Variants in COL5A2 observed in about 807,000 individuals in gnomAD.
COL5A2 encodes the protein collagen type V alpha 2 chain.
Under a neutral mutation model 208.2 loss-of-function variants are expected in COL5A2, and 23 were observed. That is an observed-to-expected ratio of 0.11 (90% CI 0.08 to 0.16). The LOEUF (loss-of-function observed/expected upper bound fraction) is 0.16. Among genes scored for constraint, COL5A2 ranks in the 10% least tolerant of loss-of-function variants. The pLI is 1.00. For missense variants in COL5A2, 1,590 were observed against 1,956.4 expected (o/e 0.81, Z 3.53); for synonymous variants, 625 against 628.5 (o/e 0.99, Z 0.08).
chr2:189,423,608 A>C, the COL5A2 span, among the ~76,000 whole-genome samples: 3 of 152,168 alleles, frequency 2.0e-5, no homozygotes, highest in African/African-American at 7.2e-5. Context: ...TATGCCAACA[A>C]ATTGTGTAAC....
the COL5A2 span, among the ~76,000 whole-genome samples, chr2:189,270,210 A>G: frequency 6.6e-6 from 1 of 151,968 alleles, no homozygotes; most frequent in South Asian, 2.1e-4. Flanking sequence ...ATTTTTTTGA[A>G]GCGTTTTTCG....
intron 1 of COL5A2, among the ~76,000 whole-genome samples, chr2:189,144,695 A>G (rs1688005027): frequency 6.6e-6 from 1 of 152,106 alleles, no homozygotes; most frequent in Admixed American, 6.6e-5. Flanking sequence ...ATAAGTGCTT[A>G]TAATTCCAAC....
At chr2:189,175,103 A>G (rs183355231) in intron 1 of COL5A2, among the ~76,000 whole-genome samples, 3 of 152,284 alleles carry the variant, frequency 2.0e-5, no homozygotes, top group Admixed American at 2.0e-4. Context: ...TAGGGACCAT[A>G]AAACTCCTAA....
chr2:189,319,363 G>A, the COL5A2 span, among the ~76,000 whole-genome samples: 2 of 152,236 alleles, frequency 1.3e-5, no homozygotes, highest in African/African-American at 4.8e-5. Context: ...GAAGCAGGGC[G>A]AGGCATCGCC....
chr2:189,178,003 T>C (rs1438499073), intron 1 of COL5A2, among the ~76,000 whole-genome samples: 1 of 152,176 alleles, frequency 6.6e-6, no homozygotes, highest in African/African-American at 2.4e-5. Context: ...CTGTTCTTTC[T>C]AGAGTCAAAT....
chr2:189,365,905 C>A, the COL5A2 span, among the ~76,000 whole-genome samples: 1 of 152,166 alleles, frequency 6.6e-6, no homozygotes, highest in Non-Finnish European at 1.5e-5. Flanking sequence ...TTAGACACCC[C>A]ACACATATCT....
At chr2:189,411,172 T>C in the COL5A2 span, among the ~76,000 whole-genome samples, 46 of 152,306 alleles carry the variant, frequency 3.0e-4, 2 homozygotes, top group African/African-American at 7.9e-4. Context: ...ATTAATAATA[T>C]TGACGCCCAA....
upstream of COL5A2, among the ~76,000 whole-genome samples, chr2:189,180,039 C>T (rs11691604): frequency 0.59 from 89,208 of 151,802 alleles, 28,638 homozygotes; most frequent in East Asian, 0.72. Flanking sequence ...GAAAAGGGTT[C>T]TATTTTCCCC....
At chr2:189,091,601 T>C (rs998905199) in intron 7 of COL5A2, among the ~76,000 whole-genome samples, 5 of 152,178 alleles carry the variant, frequency 3.3e-5, no homozygotes, top group African/African-American at 1.2e-4. Flanking sequence ...TTAGACATAA[T>C]GCTATTACAC....
chr2:189,291,510 T>C, the COL5A2 span, among the ~76,000 whole-genome samples: 1 of 152,248 alleles, frequency 6.6e-6, no homozygotes, highest in East Asian at 1.9e-4. Flanking sequence ...ATTTCATTCC[T>C]GGCATCTTTC....
At chr2:189,072,598 C>A (rs1375443899) in intron 17 of COL5A2, among the ~76,000 whole-genome samples, 1 of 151,794 alleles carries the variant, frequency 6.6e-6, no homozygotes, top group Admixed American at 6.6e-5. Flanking sequence ...GTGGTGAAAC[C>A]CAGTCTCTAC....
At chr2:189,097,454 G>T in intron 5 of COL5A2, 124 bp from the exon 6 acceptor site, 2 of 975,920 alleles carry the variant, frequency 2.0e-6, no homozygotes, top group Non-Finnish European at 1.6e-6. Flanking sequence ...TTCAGTTGAA[G>T]ACTATAGAGA....
In COL5A2 at chr2:189,039,391, T is replaced by C. The variant is rs1357073502; in HGVS notation, c.3806A>G (p.His1269Arg). The C allele has an allele frequency of 1.9e-6, 3 of 1,613,974 alleles. No individual in the cohort carries two copies. Among genetic ancestry groups the C allele is most frequent in the African/African-American group, 1.3e-5 (1 of 74,892 alleles). The change falls in exon 51 of 54, where the codon CAT (histidine) becomes CGT (arginine). Residue 1269 changes from histidine to arginine, a missense_variant. Coordinates refer to ENST00000374866, the MANE Select transcript of COL5A2 (RefSeq NM_000393.5). ...DDKNKTDPGV[H>R]ATLKSLSSQI... ...ACTACTGAGTGACTTCAGGGTAGCA[T>C]GAACCCCTGGGTCCGTTTTGTTTTT...
the COL5A2 span, among the ~76,000 whole-genome samples, chr2:189,435,507 G>T: frequency 6.6e-6 from 1 of 152,110 alleles, no homozygotes; most frequent in African/African-American, 2.4e-5. Flanking sequence ...CCATCAAAAA[G>T]TGGGCAAAGG....
chr2:189,421,523 C>T, the COL5A2 span, among the ~76,000 whole-genome samples: 8 of 152,008 alleles, frequency 5.3e-5, no homozygotes, highest in Non-Finnish European at 8.8e-5. Context: ...GTGAAAGCCA[C>T]CATCTGCTTG....
At chr2:189,372,950 G>A in the COL5A2 span, among the ~76,000 whole-genome samples, 57 of 152,164 alleles carry the variant, frequency 3.7e-4, no homozygotes, top group African/African-American at 1.3e-3. Flanking sequence ...TCTCTCATCC[G>A]AAGCTAAGAC....
chr2:189,258,422 C>T, the COL5A2 span, among the ~76,000 whole-genome samples: 573 of 152,146 alleles, frequency 3.8e-3, 13 homozygotes, highest in Non-Finnish European at 1.1e-3. Flanking sequence ...TTGCTTTTTC[C>T]CCATAATTTT....
chr2:189,091,518 T>G (rs1265601187), intron 7 of COL5A2, among the ~76,000 whole-genome samples: 1 of 152,220 alleles, frequency 6.6e-6, no homozygotes, highest in Non-Finnish European at 1.5e-5. Context: ...GATTATGGCT[T>G]GCTGAAAGGT....
upstream of COL5A2, among the ~76,000 whole-genome samples, chr2:189,229,717 G>A (rs757474789): frequency 6.6e-6 from 1 of 151,732 alleles, no homozygotes; most frequent in Non-Finnish European, 1.5e-5. Flanking sequence ...CTATGTTCAT[G>A]CATTGAAAGA....
Sources: allele counts gnomAD v4.1 joint callset (sites outside exome capture counted in the v4.1 genomes callset), GRCh38; gene constraint gnomAD v4.1.1; transcripts MANE v1.5; gene names NCBI Gene and HGNC (gene_info 2026-07-23, HGNC 2026-07-21).